SRF: variants seen among roughly 807,000 people sequenced by gnomAD.
SRF encodes the protein c-fos serum response element-binding transcription factor.
SRF carries 7 observed loss-of-function variants against 37.1 expected under a neutral mutation model. The ratio of observed to expected loss-of-function variants is 0.19; its 90% confidence interval spans 0.11 to 0.35. The LOEUF (loss-of-function observed/expected upper bound fraction) is 0.35. Among genes scored for constraint, SRF ranks in the 10% least tolerant of loss-of-function variants. SRF has a pLI of 1.00. For missense variants in SRF, 395 were observed against 694.4 expected, an observed-to-expected ratio of 0.57 and a Z score of 4.85; for synonymous variants, 285 against 310.1, an observed-to-expected ratio of 0.92 and a Z score of 0.85.
chr6:43,178,754 T>C lies in SRF; in HGVS notation c.1355-52T>C, dbSNP rs201461031. The C allele has an allele frequency of 1.3e-5, 20 of 1,582,834 alleles. No individual in the cohort carries two copies. Among genetic ancestry groups the C allele is most frequent in the Non-Finnish European group, 1.6e-5 (19 of 1,151,914 alleles). On this transcript the variant is annotated intron_variant, in intron 5 of 6. Coordinates refer to ENST00000265354, the MANE Select transcript of SRF (RefSeq NM_003131.4). The surrounding 1 kb of genome is among the most constrained non-coding windows in gnomAD (Gnocchi z 4.3). Reference sequence around the variant, plus strand: ...TGCATTTGACACCACTCCTCCAATATCTGGAAGTTTCAACAAACAATTTGA... The same window carrying C: ...TGCATTTGACACCACTCCTCCAATACCTGGAAGTTTCAACAAACAATTTGA...
At chr6:43,175,588 G>A in intron 2 of SRF, 118 bp from the exon 3 acceptor site, 3 of 1,314,940 alleles carry the variant, frequency 2.3e-6, no homozygotes, top group Non-Finnish European at 3.2e-6. Flanking sequence ...GGTAAATGGT[G>A]GCGTTGGGAT....
chr6:43,171,397 G>T lies in SRF; in HGVS notation c.-260G>T, dbSNP rs566210658. 8.4e-6 allele frequency: 2 copies of T among 238,952 alleles called. No homozygotes were observed. The highest frequency in any genetic ancestry group is 1.8e-4 in the South Asian group (1 of 5,700). 14.8% of individuals were successfully genotyped at this position (238,952 alleles called of 1,614,324 possible). ...CCCCTGCCCCCCGGGGGACGCTGAC[G>T]GCCGCCCGGCGCGCCGCCCTAGCAG... is the stretch of plus-strand genomic sequence containing the variant. On this transcript the variant is annotated 5_prime_UTR_variant, in exon 1 of 7. Coordinates refer to ENST00000265354, the MANE Select transcript of SRF (RefSeq NM_003131.4). The surrounding 1 kb of genome is among the most constrained non-coding windows in gnomAD (Gnocchi z 6.5).
Position 43,178,326 on chromosome 6 carries a change from G to T in SRF, c.1195G>T (p.Val399Leu), listed in dbSNP as rs767649010. 4 of 1,606,648 alleles carry T rather than the reference G, an allele frequency of 2.5e-6. No homozygotes were observed. In the Admixed American group the frequency reaches 6.7e-5, roughly 27 times the overall value. Reference sequence around the variant, plus strand: ...GCCCGCCACCATCATGACGTCATCCGTGCCCACAACTGTGGGTGGCCACAT... The same window carrying T: ...GCCCGCCACCATCATGACGTCATCCTTGCCCACAACTGTGGGTGGCCACAT... ...TLPATIMTSS[V>L]PTTVGGHMMY... The change falls in exon 5 of 7, where the codon GTG becomes TTG. Residue 399 changes from valine to leucine, a missense_variant. By Grantham distance (32) the Val-to-Leu change is conservative. Coordinates refer to ENST00000265354, the MANE Select transcript of SRF (RefSeq NM_003131.4). This position sits in a 1 kb window ranked among gnomAD's most constrained non-coding sequence, Gnocchi z 4.3.
In SRF at chr6:43,179,496, C is replaced by A; in HGVS notation, c.*306C>A. On this transcript the variant is annotated 3_prime_UTR_variant, in exon 7 of 7. Transcript: ENST00000265354. The surrounding 1 kb of genome is among the most constrained non-coding windows in gnomAD (Gnocchi z 5.3). ...TGTTTGCCATGAGTATTAGCTTACCCAATGGGACCGTGCCCCACCTCCCCA... is the reference window on the plus strand; with the variant it reads ...TGTTTGCCATGAGTATTAGCTTACCAAATGGGACCGTGCCCCACCTCCCCA... 1 of 414,784 alleles carries A rather than the reference C, an allele frequency of 2.4e-6. No individual in the cohort carries two copies. Among genetic ancestry groups the A allele is most frequent in the East Asian group, 5.2e-5 (1 of 19,280 alleles). The allele number at this position is 414,784 out of a possible 1,614,324, so 25.7% of individuals were successfully genotyped here. A position where few individuals can be genotyped will look rare whatever the true frequency, so the allele number is the denominator to read the frequency against.
In SRF at chr6:43,179,824, C is replaced by G. The variant is rs992972118; in HGVS notation, c.*634C>G. On this transcript the variant is annotated 3_prime_UTR_variant, in exon 7 of 7. Coordinates refer to ENST00000265354, the MANE Select transcript of SRF (RefSeq NM_003131.4). This position sits in a 1 kb window ranked among gnomAD's most constrained non-coding sequence, Gnocchi z 5.3. ...CCAGGGGCTCCTGGGTTGGAGGGAACCACCAGCGTTCCCTTCTCCCCCTTG... is the reference window on the plus strand; with the variant it reads ...CCAGGGGCTCCTGGGTTGGAGGGAAGCACCAGCGTTCCCTTCTCCCCCTTG... 4 of 153,214 alleles carry G rather than the reference C, an allele frequency of 2.6e-5. No individual in the cohort carries two copies. The highest frequency in any genetic ancestry group is 2.6e-4 in the Admixed American group (4 of 15,362). 9.5% of individuals were successfully genotyped at this position (153,214 alleles called of 1,614,324 possible).
Position 43,180,314 on chromosome 6 carries a change from C to T in SRF, c.*1124C>T, listed in dbSNP as rs55848540. On this transcript the variant is annotated 3_prime_UTR_variant, in exon 7 of 7. Coordinates refer to ENST00000265354, the MANE Select transcript of SRF (RefSeq NM_003131.4). ...GGCAACTGACTTCATTTGTGCCACA[C>T]GCATGGGCATTGCAGCCTTGCGCTG... 0.066 allele frequency: 10,088 copies of T among 152,326 alleles called. 431 individuals carry two copies. The highest frequency in any genetic ancestry group is 0.095 in the Admixed American group (1,449 of 15,298). 9.4% of individuals were successfully genotyped at this position (152,326 alleles called of 1,614,324 possible). A position where few individuals can be genotyped will look rare whatever the true frequency, so the allele number is the denominator to read the frequency against.
At chr6:43,174,818 C>G (rs1772168731) in intron 2 of SRF, among the ~76,000 whole-genome samples, 2 of 152,160 alleles carry the variant, frequency 1.3e-5, no homozygotes, top group African/African-American at 4.8e-5. Context: ...TCGTGCTGAC[C>G]CACCCCGCAG....
Position 43,176,700 on chromosome 6 carries a change from T to G in SRF, c.1162+33T>G. 6.2e-7 allele frequency: 1 copy of G among 1,605,354 alleles called. No individual in the cohort carries two copies. Among genetic ancestry groups the G allele is most frequent in the Non-Finnish European group, 8.5e-7 (1 of 1,173,594 alleles). The stretch of plus-strand genomic sequence containing the variant: ...TCGCAGCCCTGTCACCCTCCCTCCC[T>G]GCCTTCCCCCACGAGGCCTAGCAGT... On this transcript the variant is annotated intron_variant, in intron 4 of 6. Coordinates refer to ENST00000265354, the MANE Select transcript of SRF (RefSeq NM_003131.4). This position sits in a 1 kb window ranked among gnomAD's most constrained non-coding sequence, Gnocchi z 4.0.
Position 43,172,490 on chromosome 6 carries a change from A to T in SRF, c.513+321A>T, listed in dbSNP as rs1441302187. ...ATGGGAGGCTACGAGGCTGCCGGGGAGGTGGATAATGAGAACCCGGGATCA... is the reference window on the plus strand; with the variant it reads ...ATGGGAGGCTACGAGGCTGCCGGGGTGGTGGATAATGAGAACCCGGGATCA... On this transcript the variant is annotated intron_variant, in intron 1 of 6. Transcript: ENST00000265354. The surrounding 1 kb of genome is among the most constrained non-coding windows in gnomAD (Gnocchi z 5.7). 1 of 983,496 alleles carries T rather than the reference A, an allele frequency of 1.0e-6. No individual in the cohort carries two copies. The highest frequency in any genetic ancestry group is 1.2e-6 in the Non-Finnish European group (1 of 828,396). 60.9% of individuals were successfully genotyped at this position (983,496 alleles called of 1,614,324 possible). A position where few individuals can be genotyped will look rare whatever the true frequency, so the allele number is the denominator to read the frequency against.
At position 43,180,305 on chromosome 6, in the gene SRF, T is replaced by C. The variant is rs555667096; in HGVS notation, c.*1115T>C. 44 of 152,284 alleles carry C rather than the reference T, an allele frequency of 2.9e-4. No homozygotes were observed. The highest frequency in any genetic ancestry group is 1.0e-3 in the African/African-American group (43 of 41,452). The allele number at this position is 152,284 out of a possible 1,614,324, so 9.4% of individuals were successfully genotyped here. A position where few individuals can be genotyped will look rare whatever the true frequency, so the allele number is the denominator to read the frequency against. On this transcript the variant is annotated 3_prime_UTR_variant, in exon 7 of 7. Transcript: ENST00000265354. ...TCAGGCAGAGGCAACTGACTTCATTTGTGCCACACGCATGGGCATTGCAGC... is the reference window on the plus strand; with the variant it reads ...TCAGGCAGAGGCAACTGACTTCATTCGTGCCACACGCATGGGCATTGCAGC...
Position 43,173,289 on chromosome 6 carries a change from C to A in SRF, c.514-558C>A, listed in dbSNP as rs1772141791. On this transcript the variant is annotated intron_variant, in intron 1 of 6. Coordinates refer to ENST00000265354, the MANE Select transcript of SRF (RefSeq NM_003131.4). The surrounding 1 kb of genome is among the most constrained non-coding windows in gnomAD (Gnocchi z 4.2). ...GGAGGTAATTAAGGAAAACTCTCTT[C>A]TCTCCTTCCATAACCTTCTTCCCAA... Among the ~76,000 whole-genome samples the A allele has an allele frequency of 6.6e-6, 1 of 152,192 alleles. No individual in the cohort carries two copies. The highest frequency in any genetic ancestry group is 6.5e-5 in the Admixed American group (1 of 15,278).
Position 43,178,792 on chromosome 6 carries a change from GT to G in SRF, c.1355-10del. ...ACAAACAATTTGAGTATCTCCTGTG[GT>G]TTTCCAATGTAGGTGGCGTCCCCCA... On this transcript the variant is annotated splice_polypyrimidine_tract_variant and intron_variant, in intron 5 of 6. Transcript: ENST00000265354. This position sits in a 1 kb window ranked among gnomAD's most constrained non-coding sequence, Gnocchi z 4.3. The G allele has an allele frequency of 6.2e-7, 1 of 1,614,068 alleles. No homozygotes were observed. Among genetic ancestry groups the G allele is most frequent in the Non-Finnish European group, 8.5e-7 (1 of 1,179,910 alleles).
rs1772298378 is a variant in SRF at position 43,180,489 on chromosome 6, C to G, written c.*1299C>G. 6.6e-6 allele frequency: 1 copy of G among 152,600 alleles called. No homozygotes were observed. The highest frequency in any genetic ancestry group is 2.1e-4 in the South Asian group (1 of 4,830). 9.5% of individuals were successfully genotyped at this position (152,600 alleles called of 1,614,324 possible). A position where few individuals can be genotyped will look rare whatever the true frequency, so the allele number is the denominator to read the frequency against. Reference sequence around the variant, plus strand: ...GGGGAGCCAGAAATGGGCAGTTCTCCCAGGGAGTGAGCAGCTACTGTAACT... The same window carrying G: ...GGGGAGCCAGAAATGGGCAGTTCTCGCAGGGAGTGAGCAGCTACTGTAACT... On this transcript the variant is annotated 3_prime_UTR_variant, in exon 7 of 7. Transcript: ENST00000265354.
At position 43,179,055 on chromosome 6, in the gene SRF, GC is replaced by G; in HGVS notation, c.1432-38del. Reference sequence around the variant, plus strand: ...AAGCCAGGGGAGCCTGAACTGGCTGGCCAGTCCCTGCCCCTCCTCATACATC... The same window carrying G: ...AAGCCAGGGGAGCCTGAACTGGCTGGCAGTCCCTGCCCCTCCTCATACATC... On this transcript the variant is annotated intron_variant, in intron 6 of 6. Coordinates refer to ENST00000265354, the MANE Select transcript of SRF (RefSeq NM_003131.4). The surrounding 1 kb of genome is among the most constrained non-coding windows in gnomAD (Gnocchi z 5.3). 1 of 1,609,832 alleles carries G rather than the reference GC, an allele frequency of 6.2e-7. No individual in the cohort carries two copies. The highest frequency in any genetic ancestry group is 8.5e-7 in the Non-Finnish European group (1 of 1,176,500).
At position 43,171,854 on chromosome 6, in the gene SRF, C is replaced by T; in HGVS notation, c.198C>T (p.Thr66=). The T allele has an allele frequency of 7.9e-7, 1 of 1,267,354 alleles. No individual in the cohort carries two copies. The highest frequency in any genetic ancestry group is 9.9e-7 in the Non-Finnish European group (1 of 1,007,928). The allele number at this position is 1,267,354 out of a possible 1,614,324, so 78.5% of individuals were successfully genotyped here. A position where few individuals can be genotyped will look rare whatever the true frequency, so the allele number is the denominator to read the frequency against. Residue 66 remains threonine (T), a synonymous_variant, in exon 1 of 7, where the codon ACC becomes ACT. Coordinates refer to ENST00000265354, the MANE Select transcript of SRF (RefSeq NM_003131.4). This position sits in a 1 kb window ranked among gnomAD's most constrained non-coding sequence, Gnocchi z 6.5. ...GGGAGGCTGCGGCAGCGGCGGCAAC[C>T]ACCCCGGCGCCCACCGCGGGGGCCC... ...LEREAAAAAA[T]TPAPTAGALY... is the part of the protein sequence containing the mutation.
chr6:43,171,494 G>A lies in SRF; in HGVS notation c.-163G>A. 1 of 713,820 alleles carries A rather than the reference G, an allele frequency of 1.4e-6. No homozygotes were observed. The highest frequency in any genetic ancestry group is 1.9e-6 in the Non-Finnish European group (1 of 533,304). 44.2% of individuals were successfully genotyped at this position (713,820 alleles called of 1,614,324 possible). On this transcript the variant is annotated 5_prime_UTR_variant, in exon 1 of 7. Coordinates refer to ENST00000265354, the MANE Select transcript of SRF (RefSeq NM_003131.4). This position sits in a 1 kb window ranked among gnomAD's most constrained non-coding sequence, Gnocchi z 6.5. ...GGGCAGGAAAGTGAGGGCCCAGGTC[G>A]GCCCGGGCGTGCAGGGGCCCCGGGT...
chr6:43,173,565 G>C lies in SRF; in HGVS notation c.514-282G>C, dbSNP rs1772145375. 6.6e-6 allele frequency among the ~76,000 whole-genome samples: 1 copy of C among 152,124 alleles called. No individual in the cohort carries two copies. Among genetic ancestry groups the C allele is most frequent in the Non-Finnish European group, 1.5e-5 (1 of 68,024 alleles). On this transcript the variant is annotated intron_variant, in intron 1 of 6. Transcript: ENST00000265354. The surrounding 1 kb of genome is among the most constrained non-coding windows in gnomAD (Gnocchi z 4.2). ...AGCTGTGTTGGGGAGCAGCTAGCTG[G>C]GTCCTTCGTATCCCCTGAAGTTATA... is the stretch of plus-strand genomic sequence containing the variant.
At position 43,176,817 on chromosome 6, in the gene SRF, AGGT is replaced by A; in HGVS notation, c.1162+152_1162+154del. The A allele has an allele frequency of 8.0e-7, 1 of 1,252,014 alleles. No homozygotes were observed. The highest frequency in any genetic ancestry group is 2.5e-5 in the East Asian group (1 of 39,246). 77.6% of individuals were successfully genotyped at this position (1,252,014 alleles called of 1,614,324 possible). The stretch of plus-strand genomic sequence containing the variant: ...TGGGCCTAATAATTATGGGGAAGTC[AGGT>A]GAGGATGACTGGGTTTTGAATCCCG... On this transcript the variant is annotated intron_variant, in intron 4 of 6. Coordinates refer to ENST00000265354, the MANE Select transcript of SRF (RefSeq NM_003131.4). This position sits in a 1 kb window ranked among gnomAD's most constrained non-coding sequence, Gnocchi z 4.0.
intron 2 of SRF, 45 bp downstream of exon 2, chr6:43,174,158 C>T: frequency 1.2e-6 from 2 of 1,602,308 alleles, no homozygotes; most frequent in Non-Finnish European, 8.5e-7. Context: ...GGAGTGGGGT[C>T]CCTCTCCCTT....
Sources: gnomAD v4.1 joint callset for allele counts (sites outside exome capture counted in the v4.1 genomes callset) on GRCh38, gnomAD v4.1.1 for gene constraint, Gnocchi (gnomAD v3.1) non-coding constraint, MANE v1.5 for transcripts, NCBI Gene and HGNC (gene_info 2026-07-23, HGNC 2026-07-21) for gene names.